Variants in PRTFDC1 observed in about 807,000 individuals in gnomAD.
The protein encoded by PRTFDC1 is phosphoribosyltransferase domain-containing protein 1.
PRTFDC1 carries 38 observed loss-of-function variants against 34.6 expected under a neutral mutation model. The ratio of observed to expected loss-of-function variants is 1.10; its 90% CI spans 0.85 to 1.44. The LOEUF (loss-of-function observed/expected upper bound fraction) is 1.44. PRTFDC1 is among the 40% of genes most tolerant of loss of function. The pLI is 0.00. For missense variants in PRTFDC1, 270 were observed against 283.0 expected, an observed-to-expected ratio of 0.95 and a Z score of 0.33; for synonymous variants, 93 against 98.1, an observed-to-expected ratio of 0.95 and a Z score of 0.31.
At chr10:24,874,014 C>G (rs1265361302) in intron 3 of PRTFDC1, among the ~76,000 whole-genome samples, 1 of 151,390 alleles carries the variant, frequency 6.6e-6, no homozygotes, top group Admixed American at 6.6e-5. Context: ...CTCAAGCGAT[C>G]CTCCTGCCTC....
At chr10:24,951,119 G>C (rs1849335522) in intron 1 of PRTFDC1, among the ~76,000 whole-genome samples, 1 of 151,964 alleles carries the variant, frequency 6.6e-6, no homozygotes, top group Non-Finnish European at 1.5e-5. Context: ...TGGTATGCGG[G>C]TCTCTGCCTG....
intron 3 of PRTFDC1, among the ~76,000 whole-genome samples, chr10:24,876,009 C>T (rs1237466949): frequency 1.3e-5 from 2 of 152,074 alleles, no homozygotes; most frequent in East Asian, 1.9e-4. Context: ...GTGTAAGCCA[C>T]CACGCCTGGA....
chr10:24,939,379 T>C (rs1322669445), intron 2 of PRTFDC1, among the ~76,000 whole-genome samples: 1 of 136,576 alleles, frequency 7.3e-6, no homozygotes, highest in Non-Finnish European at 1.6e-5. Context: ...GAATAGAAAA[T>C]AGTTATAAAT....
chr10:24,878,990 A>G (rs975261626), intron 3 of PRTFDC1, among the ~76,000 whole-genome samples: 1 of 152,124 alleles, frequency 6.6e-6, no homozygotes, highest in Non-Finnish European at 1.5e-5. Context: ...GGTCGCTGAT[A>G]CTCTATCAAA....
chr10:24,911,154 C>T (rs958669128), intron 3 of PRTFDC1, among the ~76,000 whole-genome samples: 11 of 152,240 alleles, frequency 7.2e-5, no homozygotes, highest in African/African-American at 2.4e-4. Context: ...ATGATGAATG[C>T]ACAGTCATCT....
At chr10:24,906,506 T>C (rs1212923547) in intron 3 of PRTFDC1, among the ~76,000 whole-genome samples, 1 of 152,078 alleles carries the variant, frequency 6.6e-6, no homozygotes, top group Non-Finnish European at 1.5e-5. Flanking sequence ...AGAGGGAGTA[T>C]GCTGATATAT....
In PRTFDC1 at chr10:24,952,021, T is replaced by C. The variant is rs2132628933; in HGVS notation, c.48+507A>G. Among the ~76,000 whole-genome samples the C allele has an allele frequency of 6.6e-6, 1 of 152,314 alleles. No homozygotes were observed. Among genetic ancestry groups the C allele is most frequent in the East Asian group, 1.9e-4 (1 of 5,186 alleles). On this transcript the variant is annotated intron_variant, in intron 1 of 8. Transcript: ENST00000320152. The surrounding 1 kb of genome is among the most constrained non-coding windows in gnomAD (Gnocchi z 5.1). Reference sequence around the variant, plus strand: ...CTCCACTGCCAGAGAGCCCCCAACCTGGGTACCAAAGGCTTCAAATCTCAA... The same window carrying C: ...CTCCACTGCCAGAGAGCCCCCAACCCGGGTACCAAAGGCTTCAAATCTCAA...
At chr10:24,898,080 C>T (rs551559125) in intron 3 of PRTFDC1, among the ~76,000 whole-genome samples, 46 of 152,098 alleles carry the variant, frequency 3.0e-4, no homozygotes, top group Non-Finnish European at 5.9e-4. Context: ...TGATAAGTGT[C>T]CAATTCAGGA....
intron 3 of PRTFDC1, among the ~76,000 whole-genome samples, chr10:24,880,809 C>CTTTCTCTTTCTTTCTTTCTTTCTTTCT (rs1848054948): frequency 7.0e-6 from 1 of 142,484 alleles, no homozygotes; most frequent in Non-Finnish European, 1.6e-5. Flanking sequence ...ACTTTACTGT[C>CTTTCTCTTTCTTTCTTTCTTTCTTTCT]TTTCTCTTTC....
chr10:24,920,989 A>G (rs1051400899), intron 3 of PRTFDC1, among the ~76,000 whole-genome samples: 2 of 152,184 alleles, frequency 1.3e-5, no homozygotes, highest in African/African-American at 2.4e-5. Context: ...ATTGACCTAC[A>G]CTGAAAGTAA....
At chr10:24,851,809 G>A (rs1216270777) in intron 7 of PRTFDC1, among the ~76,000 whole-genome samples, 2 of 151,578 alleles carry the variant, frequency 1.3e-5, no homozygotes, top group Admixed American at 1.3e-4. Context: ...GCAGTGATAC[G>A]ATGCCAAAGG....
chr10:24,951,318 G>C (rs1849340239), intron 1 of PRTFDC1, among the ~76,000 whole-genome samples: 1 of 152,032 alleles, frequency 6.6e-6, no homozygotes. Flanking sequence ...CACACTGCTT[G>C]CCTATGTCTT....
Position 24,857,020 on chromosome 10 carries a change from C to T in PRTFDC1, c.424-25G>A, listed in dbSNP as rs761368622. 16 of 1,562,318 alleles carry T rather than the reference C, an allele frequency of 1.0e-5. No homozygotes were observed. The South Asian group carries it at 1.8e-4, about 17-fold the overall frequency. On this transcript the variant is annotated intron_variant, in intron 5 of 8. Coordinates refer to ENST00000320152, the MANE Select transcript of PRTFDC1 (RefSeq NM_020200.7). ...CCTTTGCAAAAAGGACAGATAAATTCAACAAAATGCATTTGAGCAGCACAA... is the reference window on the plus strand; with the variant it reads ...CCTTTGCAAAAAGGACAGATAAATTTAACAAAATGCATTTGAGCAGCACAA...
At chr10:24,926,748 G>C (rs192621127) in intron 3 of PRTFDC1, among the ~76,000 whole-genome samples, 2,290 of 152,282 alleles carry the variant, frequency 0.015, 54 homozygotes, top group African/African-American at 0.052. Flanking sequence ...CTGCTCCAGG[G>C]CCGGGTCCTG....
At chr10:24,851,609 G>C (rs145867398) in intron 7 of PRTFDC1, 145 bp from the exon 8 acceptor site, 2 of 1,348,182 alleles carry the variant, frequency 1.5e-6, no homozygotes, top group East Asian at 5.0e-5. Context: ...AAATGCACAC[G>C]ATGAGCCCAA....
intron 3 of PRTFDC1, among the ~76,000 whole-genome samples, chr10:24,880,813 C>CTT (rs763527548): frequency 5.6e-4 from 64 of 115,016 alleles, no homozygotes; most frequent in African/African-American, 1.9e-3. Context: ...TACTGTCTTT[C>CTT]TCTTTCTTTC....
At chr10:24,912,708 A>G (rs1279109281) in intron 3 of PRTFDC1, among the ~76,000 whole-genome samples, 1 of 152,122 alleles carries the variant, frequency 6.6e-6, no homozygotes, top group Non-Finnish European at 1.5e-5. Context: ...AGTCATCCTT[A>G]ACACCACTCA....
intron 3 of PRTFDC1, chr10:24,908,576 C>G: frequency 6.2e-7 from 1 of 1,612,832 alleles, no homozygotes; most frequent in Non-Finnish European, 8.5e-7. Flanking sequence ...GTAACCTCTC[C>G]AGAGGGTATT....
chr10:24,912,832 T>A (rs75201777), intron 3 of PRTFDC1, among the ~76,000 whole-genome samples: 2,903 of 152,176 alleles, frequency 0.019, 106 homozygotes, highest in African/African-American at 0.067. Flanking sequence ...TCACCTGGAT[T>A]ACTGCAGTCA....
Sources: gnomAD v4.1 joint callset for allele counts (sites outside exome capture counted in the v4.1 genomes callset) on GRCh38, gnomAD v4.1.1 for gene constraint, Gnocchi (gnomAD v3.1) non-coding constraint, MANE v1.5 for transcripts, NCBI Gene and HGNC (gene_info 2026-07-23, HGNC 2026-07-21) for gene names.